RYR2: variants seen among roughly 807,000 people sequenced by gnomAD.
RYR2 encodes cardiac muscle ryanodine receptor-calcium release channel.
A neutral mutation model predicts 601.1 loss-of-function variants in RYR2; 227 were observed. The observed-to-expected ratio is 0.38, with a 90% CI of 0.34 to 0.42. The LOEUF (loss-of-function observed/expected upper bound fraction) is 0.42. Among genes scored for constraint, RYR2 ranks in the 10% least tolerant of loss-of-function variants. RYR2 has a pLI of 1.00. For missense variants in RYR2, 4,646 were observed against 6,156.5 expected, an observed-to-expected ratio of 0.75 and a Z score of 8.21; for synonymous variants, 2,223 against 2,175.1, an observed-to-expected ratio of 1.02 and a Z score of -0.61.
rs1030564016 is a variant in RYR2 at position 237,106,325 on chromosome 1, C to T, written c.48+63756C>T. On this transcript the variant is annotated intron_variant, in intron 1 of 104. Coordinates refer to ENST00000366574, the MANE Select transcript of RYR2 (RefSeq NM_001035.3). This position sits in a 1 kb window ranked among gnomAD's most constrained non-coding sequence, Gnocchi z 4.4. ...ACAGGCTCTGATGTGGCTTGCAGCA[C>T]GGTGGCAGCAGGGGGAGGTGGCACC... Among the ~76,000 whole-genome samples, 1 of 152,090 alleles carries T rather than the reference C, an allele frequency of 6.6e-6. No homozygotes were observed. The highest frequency in any genetic ancestry group is 2.4e-5 in the African/African-American group (1 of 41,420).
intron 1 of RYR2, among the ~76,000 whole-genome samples, chr1:237,043,746 C>CAAAAA (rs1227570023): frequency 7.9e-5 from 12 of 152,068 alleles, no homozygotes; most frequent in Admixed American, 3.9e-4. Context: ...AGTACAAAAA[C>CAAAAA]AAAACAAAAC....
chr1:237,077,474 T>C (rs1665115669), intron 1 of RYR2, among the ~76,000 whole-genome samples: 1 of 133,920 alleles, frequency 7.5e-6, no homozygotes, highest in Non-Finnish European at 1.7e-5. Context: ...GGGGTTGCAA[T>C]CCTAGTCTCT....
At chr1:237,190,012 A>G (rs894895398) in intron 1 of RYR2, among the ~76,000 whole-genome samples, 2 of 151,828 alleles carry the variant, frequency 1.3e-5, no homozygotes, top group African/African-American at 4.8e-5. Context: ...AGCTGAGATT[A>G]TAGGCACCTA....
intron 3 of RYR2, among the ~76,000 whole-genome samples, chr1:237,346,469 T>G (rs1572675722): frequency 6.6e-6 from 1 of 152,106 alleles, no homozygotes; most frequent in East Asian, 1.9e-4. Flanking sequence ...TAAGATTAAT[T>G]TAGGAAGTAG....
intron 1 of RYR2, among the ~76,000 whole-genome samples, chr1:237,107,027 G>A (rs73115923): frequency 0.028 from 4,213 of 152,134 alleles, 201 homozygotes; most frequent in African/African-American, 0.096. Context: ...CACAAAGGGA[G>A]GTTAATTTGG....
At chr1:237,205,512 G>A (rs1681712283) in intron 1 of RYR2, among the ~76,000 whole-genome samples, 1 of 152,228 alleles carries the variant, frequency 6.6e-6, no homozygotes, top group African/African-American at 2.4e-5. Flanking sequence ...TGTGCAATCA[G>A]AAGGAGGGAA....
chr1:237,402,925 C>T (rs4531285), intron 10 of RYR2, among the ~76,000 whole-genome samples: 44,177 of 145,754 alleles, frequency 0.3, 7,224 homozygotes, highest in East Asian at 0.43. Flanking sequence ...CCTCCTTCCC[C>T]CCAAAAAAGA....
At chr1:237,706,846 G>C (rs1688421491) in intron 67 of RYR2, 103 bp from the exon 68 acceptor site, 1 of 948,678 alleles carries the variant, frequency 1.1e-6, no homozygotes, top group Non-Finnish European at 1.6e-6. Context: ...GCCACGTCTT[G>C]CTAAATTTTG....
intron 17 of RYR2, among the ~76,000 whole-genome samples, chr1:237,476,054 T>C (rs1040809484): frequency 6.6e-6 from 1 of 152,236 alleles, no homozygotes; most frequent in African/African-American, 2.4e-5. Flanking sequence ...AAACTGCTAG[T>C]CAGGAGGCTA....
chr1:237,358,234 TA>T (rs772182166), intron 4 of RYR2, among the ~76,000 whole-genome samples: 2 of 152,112 alleles, frequency 1.3e-5, no homozygotes, highest in Non-Finnish European at 2.9e-5. Flanking sequence ...CTCATTTCAG[TA>T]ATTAAAATGC....
intron 4 of RYR2, among the ~76,000 whole-genome samples, chr1:237,357,210 C>A (rs1339161762): frequency 1.3e-5 from 2 of 152,122 alleles, no homozygotes; most frequent in African/African-American, 4.8e-5. Flanking sequence ...CTACTTTTGA[C>A]CAACTATTTG....
chr1:237,138,329 A>G (rs750356376), intron 1 of RYR2, among the ~76,000 whole-genome samples: 8 of 152,160 alleles, frequency 5.3e-5, no homozygotes, highest in Non-Finnish European at 7.3e-5. Context: ...CACCATGCCC[A>G]TCCTGGATAT....
At chr1:237,060,057 G>A (rs1662651913) in intron 1 of RYR2, among the ~76,000 whole-genome samples, 1 of 152,130 alleles carries the variant, frequency 6.6e-6, no homozygotes, top group African/African-American at 2.4e-5. Context: ...TTCCTTCAAA[G>A]TCTGTGTCAA....
At chr1:237,480,223 G>A (rs749682603) in intron 17 of RYR2, among the ~76,000 whole-genome samples, 11 of 151,772 alleles carry the variant, frequency 7.2e-5, no homozygotes, top group South Asian at 4.2e-4. Flanking sequence ...GTTTGAGACC[G>A]TCCTGGCCCA....
At chr1:237,786,989 C>T (rs1162750780) in intron 91 of RYR2, among the ~76,000 whole-genome samples, 1 of 152,096 alleles carries the variant, frequency 6.6e-6, no homozygotes. Flanking sequence ...ATATATACCT[C>T]ATATGAGTTA....
chr1:237,137,919 C>T (rs894617479), intron 1 of RYR2, among the ~76,000 whole-genome samples: 82 of 152,354 alleles, frequency 5.4e-4, no homozygotes, highest in African/African-American at 1.9e-3. Context: ...AGACTCTCAA[C>T]ATGCTTACCC....
chr1:237,111,078 G>A (rs1669413949), intron 1 of RYR2, among the ~76,000 whole-genome samples: 1 of 152,156 alleles, frequency 6.6e-6, no homozygotes, highest in Admixed American at 6.5e-5. Context: ...GGTCCTTTGT[G>A]AGGATGCTTC....
chr1:237,739,401 C>T (rs1441736702), intron 79 of RYR2, among the ~76,000 whole-genome samples: 1 of 152,088 alleles, frequency 6.6e-6, no homozygotes, highest in Non-Finnish European at 1.5e-5. Flanking sequence ...GTCTCTTTAC[C>T]AGCTGTCATC....
At chr1:237,757,895 C>A in intron 82 of RYR2, 119 bp downstream of exon 82, 3 of 639,590 alleles carry the variant, frequency 4.7e-6, no homozygotes, top group Non-Finnish European at 5.5e-6. Flanking sequence ...TTTTAGTTTA[C>A]CACAGTACTG....
Sources: allele counts gnomAD v4.1 joint callset (sites outside exome capture counted in the v4.1 genomes callset), GRCh38; gene constraint gnomAD v4.1.1; non-coding constraint Gnocchi (gnomAD v3.1); transcripts MANE v1.5; gene names NCBI Gene and HGNC (gene_info 2026-07-23, HGNC 2026-07-21).